RAB38: variants seen among roughly 807,000 people sequenced by gnomAD.
RAB38 encodes ras-related protein Rab-38.
A neutral mutation model predicts 18.4 loss-of-function variants in RAB38; 15 were observed. That is an observed-to-expected ratio of 0.82 (90% CI 0.55 to 1.26). The LOEUF (loss-of-function observed/expected upper bound fraction) is 1.26. RAB38 is among the 50% of genes most tolerant of loss of function. RAB38 has a pLI of 0.00. For missense variants in RAB38, 294 were observed against 267.4 expected (o/e 1.10, Z -0.69); for synonymous variants, 101 against 104.4 (o/e 0.97, Z 0.20).
At chr11:88,108,544 A>T (rs921159112), downstream of RAB38, among the ~76,000 whole-genome samples, 3 of 152,136 alleles carry the variant, frequency 2.0e-5, no homozygotes, top group East Asian at 5.8e-4. Context: ...GTCTCTGCAC[A>T]TGAGATGGGT....
chr11:87,912,393 A>G, the RAB38 span, among the ~76,000 whole-genome samples: 452 of 152,106 alleles, frequency 3.0e-3, 2 homozygotes, highest in Non-Finnish European at 4.6e-3. Flanking sequence ...AGGGCTATTC[A>G]GGTCACCTAT....
At chr11:88,153,156 A>G (rs2134832294) in intron 1 of RAB38, among the ~76,000 whole-genome samples, 1 of 152,378 alleles carries the variant, frequency 6.6e-6, no homozygotes, top group South Asian at 2.1e-4. Flanking sequence ...ACTGGTTACC[A>G]GAACAGGCTC....
the RAB38 span, among the ~76,000 whole-genome samples, chr11:87,930,164 A>G: frequency 6.6e-6 from 1 of 152,198 alleles, no homozygotes; most frequent in East Asian, 1.9e-4. Flanking sequence ...TGGTTGAACT[A>G]GTTTACAGTC....
At chr11:88,160,526 C>A (rs1482585243) in intron 1 of RAB38, among the ~76,000 whole-genome samples, 2 of 152,066 alleles carry the variant, frequency 1.3e-5, no homozygotes, top group Non-Finnish European at 2.9e-5. Flanking sequence ...AAAACACGTG[C>A]ACTCACATGT....
chr11:88,004,167 CAT>C, the RAB38 span, among the ~76,000 whole-genome samples: 1 of 149,216 alleles, frequency 6.7e-6, no homozygotes, highest in Admixed American at 6.8e-5. Flanking sequence ...ACAATTGCCT[CAT>C]AGACACACAT....
chr11:88,080,775 A>G, the RAB38 span, among the ~76,000 whole-genome samples: 6 of 149,486 alleles, frequency 4.0e-5, no homozygotes, highest in East Asian at 2.0e-4. Flanking sequence ...AAAATAACTT[A>G]ATGGAGAATC....
At chr11:87,943,944 G>A in the RAB38 span, among the ~76,000 whole-genome samples, 1 of 152,050 alleles carries the variant, frequency 6.6e-6, no homozygotes, top group East Asian at 1.9e-4. Context: ...TGGCCAATTG[G>A]TAGAAATGAA....
At chr11:88,021,371 AC>A in the RAB38 span, among the ~76,000 whole-genome samples, 42 of 152,190 alleles carry the variant, frequency 2.8e-4, no homozygotes, top group African/African-American at 9.9e-4. Flanking sequence ...CATACAGCCT[AC>A]CAAGATTGAA....
At chr11:87,823,246 T>C in the RAB38 span, among the ~76,000 whole-genome samples, 1 of 152,124 alleles carries the variant, frequency 6.6e-6, no homozygotes, top group South Asian at 2.1e-4. Context: ...CAGAAAACAT[T>C]GGTCAATTAA....
At chr11:87,808,572 A>C in the RAB38 span, among the ~76,000 whole-genome samples, 3 of 152,178 alleles carry the variant, frequency 2.0e-5, no homozygotes, top group African/African-American at 7.2e-5. Context: ...GGAAGATGTT[A>C]CTCAAAGATT....
chr11:87,940,295 A>G, the RAB38 span, among the ~76,000 whole-genome samples: 1 of 152,102 alleles, frequency 6.6e-6, no homozygotes, highest in Non-Finnish European at 1.5e-5. Flanking sequence ...TCTGCTGCCT[A>G]GTTTACCTTA....
At chr11:88,173,086 A>G (rs1254101185) in intron 1 of RAB38, among the ~76,000 whole-genome samples, 1 of 152,176 alleles carries the variant, frequency 6.6e-6, no homozygotes, top group East Asian at 1.9e-4. Flanking sequence ...AGTGCTTTCG[A>G]GCTTGGGAGT....
the RAB38 span, among the ~76,000 whole-genome samples, chr11:87,963,057 TCA>T: frequency 6.6e-6 from 1 of 152,198 alleles, no homozygotes; most frequent in South Asian, 2.1e-4. Flanking sequence ...TATTTATGAA[TCA>T]CAGTGTTTAT....
intron 1 of RAB38, among the ~76,000 whole-genome samples, chr11:88,159,463 T>C (rs2134842238): frequency 6.6e-6 from 1 of 151,950 alleles, no homozygotes; most frequent in Non-Finnish European, 1.5e-5. Context: ...ACATCATTTT[T>C]CACAGAACTA....
the RAB38 span, among the ~76,000 whole-genome samples, chr11:88,085,701 G>C: frequency 8.6e-5 from 13 of 151,996 alleles, no homozygotes; most frequent in African/African-American, 2.9e-4. Flanking sequence ...AGTTTTATTG[G>C]AACACAGACA....
chr11:87,875,416 C>T, the RAB38 span, among the ~76,000 whole-genome samples: 1 of 151,286 alleles, frequency 6.6e-6, no homozygotes, highest in Non-Finnish European at 1.5e-5. Context: ...TTCTCCATTG[C>T]ACTTTAATGT....
the RAB38 span, among the ~76,000 whole-genome samples, chr11:87,908,765 T>C: frequency 6.6e-6 from 1 of 152,070 alleles, no homozygotes; most frequent in South Asian, 2.1e-4. Flanking sequence ...TGAAATTGAC[T>C]ATATGTGGGC....
At chr11:88,049,930 C>G in the RAB38 span, among the ~76,000 whole-genome samples, 2 of 152,214 alleles carry the variant, frequency 1.3e-5, no homozygotes, top group Non-Finnish European at 2.9e-5. Flanking sequence ...ACACAGTTCT[C>G]TTTCTACAGT....
chr11:88,065,081 G>A, the RAB38 span, among the ~76,000 whole-genome samples: 1 of 152,112 alleles, frequency 6.6e-6, no homozygotes, highest in Non-Finnish European at 1.5e-5. Flanking sequence ...GCAGACCTCT[G>A]TCAGGGCCAG....
Sources: gnomAD v4.1 joint callset for allele counts (sites outside exome capture counted in the v4.1 genomes callset) on GRCh38, gnomAD v4.1.1 for gene constraint, MANE v1.5 for transcripts, NCBI Gene and HGNC (gene_info 2026-07-23, HGNC 2026-07-21) for gene names.